The following WDR17 variants were observed in gnomAD, a reference collection of about 807,000 sequenced individuals.
WDR17 encodes the protein WD repeat-containing protein 17.
WDR17 carries 143 observed loss-of-function variants against 161.7 expected under a neutral mutation model. The ratio of observed to expected loss-of-function variants is 0.88; its 90% CI spans 0.77 to 1.02. WDR17 has a LOEUF of 1.02. Ranked by LOEUF, WDR17 falls within the 50% of genes least tolerant of loss-of-function variation. The pLI, the probability that WDR17 is intolerant of heterozygous loss-of-function variation, is 0.00. For synonymous variants in WDR17, 517 were observed against 515.6 expected, an observed-to-expected ratio of 1.00 and a Z score of -0.04; for missense variants, 1,469 against 1,520.9, an observed-to-expected ratio of 0.97 and a Z score of 0.57.
At position 176,177,051 on chromosome 4, in the gene WDR17, C is replaced by T. The variant is rs757163210; in HGVS notation, c.3450-7C>T. On this transcript the variant is annotated splice_region_variant and splice_polypyrimidine_tract_variant and intron_variant, in intron 26 of 28. Coordinates refer to ENST00000508596, the MANE Select transcript of WDR17 (RefSeq NM_181265.4). ...ATCAGATGTTAATTTCCTTTTCACA[C>T]GTTCAGTCAGCTATTAAAACGTCGG... 1.7e-5 allele frequency: 28 copies of T among 1,608,022 alleles called. No individual in the cohort carries two copies. The South Asian group carries it at 1.8e-4, about 10-fold the overall frequency.
chr4:176,162,175 G>T lies in WDR17; in HGVS notation c.2850+1G>T, dbSNP rs772109819. On this transcript the variant is annotated splice_donor_variant, in intron 21 of 28. Transcript: ENST00000508596. LOFTEE classifies it high-confidence loss of function. ...CCATCTTGCCATAGATAATATTGAG[G>T]TACGACATTTAAAACTGGTTTATGT... The T allele has an allele frequency of 1.2e-6, 2 of 1,610,520 alleles. No homozygotes were observed. The highest frequency in any genetic ancestry group is 2.2e-5 in the South Asian group (2 of 90,348).
At chr4:176,110,111 A>G (rs1359584231) in intron 1 of WDR17, among the ~76,000 whole-genome samples, 1 of 151,998 alleles carries the variant, frequency 6.6e-6, no homozygotes, top group East Asian at 1.9e-4. Flanking sequence ...TGTCTCTCAT[A>G]TTAGGAGCTC....
intron 1 of WDR17, among the ~76,000 whole-genome samples, chr4:176,111,033 A>G (rs1739643709): frequency 1.3e-5 from 2 of 152,220 alleles, no homozygotes; most frequent in African/African-American, 4.8e-5. Flanking sequence ...CACCTCAAAT[A>G]GATTTTGTGA....
chr4:176,121,546 G>A (rs1741582488), intron 4 of WDR17, among the ~76,000 whole-genome samples: 1 of 152,114 alleles, frequency 6.6e-6, no homozygotes, highest in African/African-American at 2.4e-5. Flanking sequence ...AACTAGATCT[G>A]AAGAAGATAT....
At chr4:176,139,246 A>G (rs1189034180) in intron 9 of WDR17, among the ~76,000 whole-genome samples, 1 of 151,950 alleles carries the variant, frequency 6.6e-6, no homozygotes, top group African/African-American at 2.4e-5. Context: ...TACAACTTTT[A>G]TTTACTGATC....
chr4:176,142,949 G>A (rs1428716466), intron 11 of WDR17, among the ~76,000 whole-genome samples: 1 of 152,118 alleles, frequency 6.6e-6, no homozygotes, highest in South Asian at 2.1e-4. Flanking sequence ...GCATGATCTC[G>A]GCTCACGGCA....
At chr4:176,149,274 G>A (rs1221334437) in intron 13 of WDR17, among the ~76,000 whole-genome samples, 2 of 148,814 alleles carry the variant, frequency 1.3e-5, no homozygotes, top group Non-Finnish European at 3.0e-5. Flanking sequence ...TTATTATTTT[G>A]TTTTTTTGAA....
At chr4:176,160,825 G>T in intron 19 of WDR17, 86 bp from the exon 20 acceptor site, 2 of 1,073,066 alleles carry the variant, frequency 1.9e-6, no homozygotes, top group Non-Finnish European at 1.3e-6. Flanking sequence ...CATTATTTAA[G>T]TATACTTTGC....
intron 11 of WDR17, among the ~76,000 whole-genome samples, chr4:176,142,323 T>A (rs921879853): frequency 1.3e-4 from 20 of 152,152 alleles, no homozygotes; most frequent in African/African-American, 4.1e-4. Context: ...GGAAAAAAAA[T>A]AATGCTAACT....
rs746503135 is a variant in WDR17, at chr4:176,168,668, A to G, written c.2991-4A>G. On this transcript the variant is annotated splice_region_variant and splice_polypyrimidine_tract_variant and intron_variant, in intron 22 of 28. Coordinates refer to ENST00000508596, the MANE Select transcript of WDR17 (RefSeq NM_181265.4). The stretch of plus-strand genomic sequence containing the variant: ...TGAAGTGTCCCCTTTTGTTACGTTA[A>G]CAGGAATTTGGCAGCTGATCTTCTT... 2.5e-6 allele frequency: 4 copies of G among 1,613,318 alleles called. No individual in the cohort carries two copies. The highest frequency in any genetic ancestry group is 2.7e-5 in the African/African-American group (2 of 74,900).
intron 5 of WDR17, among the ~76,000 whole-genome samples, chr4:176,125,931 G>A (rs71613780): frequency 0.19 from 28,389 of 152,170 alleles, 2,908 homozygotes; most frequent in South Asian, 0.26. Context: ...CAGGCATCTG[G>A]TGAGGAACTT....
intron 9 of WDR17, among the ~76,000 whole-genome samples, chr4:176,139,660 C>G (rs1274356066): frequency 6.6e-6 from 1 of 151,942 alleles, no homozygotes; most frequent in East Asian, 1.9e-4. Context: ...AATGGAGCCA[C>G]CTGATTTATG....
rs546206707 is a variant in WDR17, at chr4:176,099,206, C to T, written c.-6-12369C>T. On this transcript the variant is annotated intron_variant, in intron 1 of 28. Transcript: ENST00000508596. The stretch of plus-strand genomic sequence containing the variant: ...GAAAACTCAACAACTCTTCCTAGAT[C>T]CACCTGAGAAGTAAGGGCACAAGGC... Among the ~76,000 whole-genome samples the T allele has an allele frequency of 2.6e-3, 392 of 152,186 alleles. 1 individual carries two copies. The highest frequency in any genetic ancestry group is 6.8e-3 in the Middle Eastern group (2 of 292).
At chr4:176,124,965 G>C in intron 4 of WDR17, 139 bp from the exon 5 acceptor site, 1 of 937,530 alleles carries the variant, frequency 1.1e-6, no homozygotes, top group Admixed American at 2.8e-5. Flanking sequence ...TGTCAGTTAC[G>C]CCTTCTGCAT....
intron 20 of WDR17, 24 bp from the exon 21 acceptor site, chr4:176,162,051 G>T (rs1160467517): frequency 1.3e-6 from 2 of 1,572,508 alleles, no homozygotes; most frequent in Admixed American, 3.5e-5. Flanking sequence ...TGTTTATATA[G>T]AATACACATT....
intron 18 of WDR17, among the ~76,000 whole-genome samples, chr4:176,159,264 C>G (rs1450572779): frequency 8.4e-6 from 1 of 119,214 alleles, no homozygotes; most frequent in Non-Finnish European, 1.6e-5. Flanking sequence ...TGGGAAGATA[C>G]ACACACACAT....
chr4:176,139,467 C>CAAT (rs1744911311), intron 9 of WDR17, among the ~76,000 whole-genome samples: 1 of 151,762 alleles, frequency 6.6e-6, no homozygotes, highest in Non-Finnish European at 1.5e-5. Context: ...GAGAAACAAC[C>CAAT]AATAATAACT....
intron 1 of WDR17, among the ~76,000 whole-genome samples, chr4:176,075,409 A>C (rs965756388): frequency 6.6e-6 from 1 of 152,126 alleles, no homozygotes; most frequent in Non-Finnish European, 1.5e-5. Flanking sequence ...TAGGAAAACA[A>C]TATAAGATTT....
At chr4:176,076,402 T>C (rs529082037) in intron 1 of WDR17, among the ~76,000 whole-genome samples, 3 of 126,466 alleles carry the variant, frequency 2.4e-5, no homozygotes, top group South Asian at 2.9e-4. Context: ...TGAGTTGTCG[T>C]TGTTGGTTTT....
Sources: allele counts gnomAD v4.1 joint callset (sites outside exome capture counted in the v4.1 genomes callset), GRCh38; gene constraint gnomAD v4.1.1; transcripts MANE v1.5; gene names NCBI Gene and HGNC (gene_info 2026-07-23, HGNC 2026-07-21).